MTMR12: variants seen among roughly 807,000 people sequenced by gnomAD.
The protein encoded by MTMR12 is myotubularin-related protein 12.
MTMR12 carries 33 observed loss-of-function variants against 96.7 expected under a neutral mutation model. The ratio of observed to expected loss-of-function variants is 0.34; its 90% CI spans 0.26 to 0.46. The LOEUF is 0.46. Ranked by LOEUF, MTMR12 falls within the 20% of genes least tolerant of loss-of-function variation. The pLI is 1.00. For synonymous variants in MTMR12, 298 were observed against 327.2 expected (o/e 0.91, Z 0.96); for missense variants, 721 against 896.1 (o/e 0.80, Z 2.49).
In MTMR12 at chr5:32,248,230, C is replaced by T. The variant is rs147922456; in HGVS notation, c.897-104G>A. ...TGTTAAGGGCTCAGTAGGCATTCTC[C>T]CATTTAATCTTCACCTACCAGGCAA... On this transcript the variant is annotated intron_variant, in intron 9 of 15. Coordinates refer to ENST00000382142, the MANE Select transcript of MTMR12 (RefSeq NM_001040446.3). 4 of 1,287,884 alleles carry T rather than the reference C, an allele frequency of 3.1e-6. No homozygotes were observed. In the East Asian group the frequency reaches 9.5e-5, roughly 31 times the overall value. The allele number at this position is 1,287,884 out of a possible 1,614,324, so 79.8% of individuals were successfully genotyped here.
At chr5:32,306,300 A>G (rs955378953) in intron 1 of MTMR12, among the ~76,000 whole-genome samples, 2 of 152,340 alleles carry the variant, frequency 1.3e-5, no homozygotes, top group African/African-American at 4.8e-5. Context: ...AAGATGGGTA[A>G]TAATAGTATT....
intron 14 of MTMR12, 189 bp downstream of exon 14, chr5:32,234,773 T>C (rs1748142134): frequency 2.0e-6 from 1 of 495,066 alleles, no homozygotes. Flanking sequence ...TTTTAAAATA[T>C]GGAACGTCTC....
At chr5:32,232,945 A>G in intron 15 of MTMR12, 1 of 983,656 alleles carries the variant, frequency 1.0e-6, no homozygotes, top group Non-Finnish European at 1.2e-6. Context: ...AGTGACACAC[A>G]TCGACTTAGA....
At position 32,233,331 on chromosome 5, in the gene MTMR12, CAG is replaced by C. The variant is rs1031175807; in HGVS notation, c.1674+440_1674+441del. The stretch of plus-strand genomic sequence containing the variant: ...GTGACAGAGACTTTGCAGCCCTTGA[CAG>C]AGTTTTGCAACCTGTGGTTTACAGG... On this transcript the variant is annotated intron_variant, in intron 15 of 15. Coordinates refer to ENST00000382142, the MANE Select transcript of MTMR12 (RefSeq NM_001040446.3). The surrounding 1 kb of genome is among the most constrained non-coding windows in gnomAD (Gnocchi z 5.0). Among the ~76,000 whole-genome samples the C allele has an allele frequency of 6.6e-5, 10 of 152,188 alleles. No individual in the cohort carries two copies. The highest frequency in any genetic ancestry group is 6.8e-3 in the Middle Eastern group (2 of 292).
intron 2 of MTMR12, 33 bp downstream of exon 2, chr5:32,276,649 G>C (rs774390431): frequency 5.1e-6 from 8 of 1,579,024 alleles, no homozygotes; most frequent in South Asian, 1.1e-5. Context: ...GCTTTGCCTT[G>C]CATAGGAGTT....
intron 6 of MTMR12, among the ~76,000 whole-genome samples, chr5:32,267,037 G>A (rs190253167): frequency 2.2e-4 from 34 of 152,148 alleles, no homozygotes; most frequent in African/African-American, 7.0e-4. Flanking sequence ...CCAAGATCAC[G>A]CCAGTGCACT....
At chr5:32,306,368 G>A (rs1277284099) in intron 1 of MTMR12, among the ~76,000 whole-genome samples, 1 of 152,166 alleles carries the variant, frequency 6.6e-6, no homozygotes, top group Admixed American at 6.5e-5. Context: ...CTGGAACACA[G>A]AAGTGCCTAA....
chr5:32,260,811 C>CAG (rs1276069692), intron 7 of MTMR12, among the ~76,000 whole-genome samples: 2 of 151,636 alleles, frequency 1.3e-5, no homozygotes, highest in African/African-American at 4.8e-5. Flanking sequence ...AGAGGCCTAT[C>CAG]AGAACCATGA....
chr5:32,305,470 TC>T (rs1751316309), intron 1 of MTMR12, among the ~76,000 whole-genome samples: 1 of 152,044 alleles, frequency 6.6e-6, no homozygotes, highest in Non-Finnish European at 1.5e-5. Flanking sequence ...AGGCAGGAGG[TC>T]TGTTTAAGAC....
rs536770509 is a variant in MTMR12 at position 32,227,221 on chromosome 5, T to C, written c.*2557A>G. 2.6e-5 allele frequency: 4 copies of C among 152,784 alleles called. No homozygotes were observed. The highest frequency in any genetic ancestry group is 6.5e-5 in the Admixed American group (1 of 15,302). The allele number at this position is 152,784 out of a possible 1,614,324, so 9.5% of individuals were successfully genotyped here. A position where few individuals can be genotyped will look rare whatever the true frequency, so the allele number is the denominator to read the frequency against. On this transcript the variant is annotated 3_prime_UTR_variant, in exon 16 of 16. Transcript: ENST00000382142. ...GTATAAACAAACTCAAGATATTATA[T>C]ACAGTAAATTAATTTACATTTCCAA...
intron 9 of MTMR12, 101 bp downstream of exon 9, chr5:32,248,671 C>T (rs566929558): frequency 2.4e-6 from 2 of 844,640 alleles, no homozygotes; most frequent in Admixed American, 1.9e-5. Flanking sequence ...TAGCATTAAG[C>T]TACCAGTAGG....
chr5:32,286,234 G>A (rs139074682), intron 1 of MTMR12, among the ~76,000 whole-genome samples: 424 of 152,292 alleles, frequency 2.8e-3, no homozygotes, highest in African/African-American at 8.3e-3. Context: ...AGCTACTCAG[G>A]AGGCTGAGGT....
intron 1 of MTMR12, among the ~76,000 whole-genome samples, chr5:32,292,816 G>A (rs796951938): frequency 1.2e-4 from 18 of 152,358 alleles, no homozygotes; most frequent in African/African-American, 4.3e-4. Flanking sequence ...TACAGAATAA[G>A]TAGTAGAAGA....
At chr5:32,250,751 T>A (rs935725390) in intron 8 of MTMR12, among the ~76,000 whole-genome samples, 8 of 152,196 alleles carry the variant, frequency 5.3e-5, no homozygotes, top group African/African-American at 1.9e-4. Context: ...TCATTTTCCA[T>A]CTGGGGCACA....
At chr5:32,282,290 C>T (rs1245039377) in intron 1 of MTMR12, among the ~76,000 whole-genome samples, 8 of 151,774 alleles carry the variant, frequency 5.3e-5, no homozygotes, top group African/African-American at 1.7e-4. Context: ...GGTGTGGTGG[C>T]GGGTGCCTGT....
intron 1 of MTMR12, among the ~76,000 whole-genome samples, chr5:32,310,489 G>C (rs1189257772): frequency 1.3e-5 from 2 of 152,194 alleles, no homozygotes; most frequent in African/African-American, 4.8e-5. Context: ...ATAAGATCCT[G>C]TCATTTGTAA....
At chr5:32,275,547 G>T (rs149041951) in intron 2 of MTMR12, among the ~76,000 whole-genome samples, 1 of 152,198 alleles carries the variant, frequency 6.6e-6, no homozygotes, top group African/African-American at 2.4e-5. Context: ...AACATGGCAT[G>T]TTGTGCCATA....
At chr5:32,294,364 A>G (rs949013764) in intron 1 of MTMR12, among the ~76,000 whole-genome samples, 3 of 151,676 alleles carry the variant, frequency 2.0e-5, no homozygotes, top group African/African-American at 7.3e-5. Flanking sequence ...GTTCAGTGGC[A>G]CAATCTTGGC....
At chr5:32,288,120 G>A (rs1338406234) in intron 1 of MTMR12, among the ~76,000 whole-genome samples, 1 of 152,176 alleles carries the variant, frequency 6.6e-6, no homozygotes, top group Non-Finnish European at 1.5e-5. Flanking sequence ...AAAGGTGCAT[G>A]CACAGCCTCG....
Sources: gnomAD v4.1 joint callset for allele counts (sites outside exome capture counted in the v4.1 genomes callset) on GRCh38, gnomAD v4.1.1 for gene constraint, Gnocchi (gnomAD v3.1) non-coding constraint, MANE v1.5 for transcripts, NCBI Gene and HGNC (gene_info 2026-07-23, HGNC 2026-07-21) for gene names.